NUP205: variants seen among roughly 807,000 people sequenced by gnomAD.
NUP205 encodes the protein nucleoporin 205, also known as nuclear pore complex protein Nup205.
Under a neutral mutation model 253.8 loss-of-function variants are expected in NUP205, and 76 were observed. The ratio of observed to expected loss-of-function variants is 0.30; its 90% confidence interval spans 0.25 to 0.36. The LOEUF is 0.36. NUP205 is among the 10% of genes least tolerant of loss of function. The pLI is 1.00. For synonymous variants in NUP205, 832 were observed against 850.1 expected (o/e 0.98, Z 0.37); for missense variants, 2,162 against 2,425.5 (o/e 0.89, Z 2.28).
At chr7:135,638,451 C>A in intron 37 of NUP205, 106 bp from the exon 38 acceptor site, 6 of 902,798 alleles carry the variant, frequency 6.6e-6, no homozygotes, top group East Asian at 2.6e-5. Context: ...AGATGTGAGT[C>A]ATTTTACAAA....
chr7:135,564,535 A>G (rs1805692674), intron 1 of NUP205, among the ~76,000 whole-genome samples: 1 of 149,882 alleles, frequency 6.7e-6, no homozygotes, highest in African/African-American at 2.5e-5. Flanking sequence ...GGCATGAGTC[A>G]CCACGCCCGG....
At chr7:135,580,832 G>A (rs556942387) in intron 7 of NUP205, among the ~76,000 whole-genome samples, 1 of 151,918 alleles carries the variant, frequency 6.6e-6, no homozygotes, top group Non-Finnish European at 1.5e-5. Context: ...ATGTAATATG[G>A]TCACAATCTT....
At chr7:135,631,216 T>C (rs1794707895) in intron 35 of NUP205, among the ~76,000 whole-genome samples, 1 of 152,200 alleles carries the variant, frequency 6.6e-6, no homozygotes, top group Non-Finnish European at 1.5e-5. Context: ...TTTATTATAC[T>C]TTAAGCTCTA....
Position 135,616,040 on chromosome 7 carries a change from T to C in NUP205, c.3435T>C (p.Asp1145=), listed in dbSNP as rs754887545. 4 of 1,613,648 alleles carry C rather than the reference T, an allele frequency of 2.5e-6. No individual in the cohort carries two copies. In the Admixed American group the frequency reaches 6.7e-5, roughly 27 times the overall value. ...HTQRLLHLLL[D]DMPVKPYSDG... ...AGAGGCTCCTACACCTCTTACTGGA[T>C]GACATGCCAGTGAAACCATACTCAG... is the stretch of plus-strand genomic sequence containing the variant. The change falls in exon 24 of 43, where the codon GAT becomes GAC. Residue 1145 remains aspartate (D), a synonymous_variant. Transcript: ENST00000285968.
chr7:135,585,327 A>G (rs1806427503), intron 8 of NUP205, among the ~76,000 whole-genome samples: 1 of 152,138 alleles, frequency 6.6e-6, no homozygotes, highest in African/African-American at 2.4e-5. Context: ...CTGTTGTTCT[A>G]TGGAAATAAG....
rs1404643236 is a variant in NUP205 at position 135,606,809 on chromosome 7, G to C, written c.2964G>C (p.Leu988Phe). The change falls in exon 21 of 43, where the codon TTG becomes TTC. Residue 988 changes from leucine (L) to phenylalanine (F), a missense_variant. By Grantham distance (22) the Leu-to-Phe change is conservative (BLOSUM62 0). Around this residue, in one of 5 missense-constraint regions of NUP205, gnomAD observed 1,144 missense variants for 1,280.9 expected, o/e 0.89. Coordinates refer to ENST00000285968, the MANE Select transcript of NUP205 (RefSeq NM_015135.3). ...AIRHETRIHI[L>F]NLLITSLECN... ...GTCATGAAACAAGAATCCACATCTT[G>C]AATCTTCTCATTACCTCTCTGGAAT... 6.2e-7 allele frequency: 1 copy of C among 1,613,742 alleles called. No individual in the cohort carries two copies. The highest frequency in any genetic ancestry group is 8.5e-7 in the Non-Finnish European group (1 of 1,179,714).
At chr7:135,638,414 G>GAAAAAA (rs372398905) in intron 37 of NUP205, 143 bp from the exon 38 acceptor site, 457 of 465,338 alleles carry the variant, frequency 9.8e-4, no homozygotes, top group Middle Eastern at 1.9e-3. Context: ...GACTCCATCT[G>GAAAAAA]AAAAAAAAAA....
intron 2 of NUP205, among the ~76,000 whole-genome samples, chr7:135,571,589 T>C (rs759152661): frequency 1.3e-5 from 2 of 151,970 alleles, no homozygotes; most frequent in Non-Finnish European, 2.9e-5. Context: ...TGTGAGCACA[T>C]AAAGGATGTA....
intron 15 of NUP205, chr7:135,598,983 T>C (rs972413815): frequency 2.0e-5 from 3 of 152,154 alleles, no homozygotes; most frequent in African/African-American, 7.2e-5. Context: ...GGTTGTATCT[T>C]GTAGGAATGT....
chr7:135,587,970 A>G lies in NUP205; in HGVS notation c.1451A>G (p.His484Arg). The G allele has an allele frequency of 1.9e-6, 3 of 1,613,546 alleles. No homozygotes were observed. The highest frequency in any genetic ancestry group is 2.5e-6 in the Non-Finnish European group (3 of 1,179,822). ...ATGGGCTCTTATCTAGGGGTGGCTC[A>G]TCAGCGGCCCCCTCAACGCCAGGTG... ...TIMGSYLGVA[H>R]QRPPQRQVVL... The change falls in exon 10 of 43, where the codon CAT becomes CGT. Residue 484 changes from histidine to arginine, a missense_variant. Physicochemically the swap from His to Arg is conservative, Grantham distance 29 (BLOSUM62 0). Coordinates refer to ENST00000285968, the MANE Select transcript of NUP205 (RefSeq NM_015135.3).
intron 19 of NUP205, among the ~76,000 whole-genome samples, chr7:135,605,092 A>G (rs79924239): frequency 0.024 from 3,613 of 151,674 alleles, 444 homozygotes; most frequent in Admixed American, 0.2. Context: ...AACTCGCTCT[A>G]TCACCCAGGC....
In NUP205 at chr7:135,626,409, A is replaced by G. The variant is rs374883901; in HGVS notation, c.4793+48A>G. On this transcript the variant is annotated intron_variant, in intron 33 of 42. Coordinates refer to ENST00000285968, the MANE Select transcript of NUP205 (RefSeq NM_015135.3). ...TTGGTTAAACTCCCAGTAAAGGATT[A>G]TTAAGGGAAGAAAAAATTCCAAACA... is the stretch of plus-strand genomic sequence containing the variant. 9.6e-6 allele frequency: 15 copies of G among 1,564,372 alleles called. 1 individual carries two copies. In the South Asian group the frequency reaches 1.5e-4, roughly 16 times the overall value.
intron 1 of NUP205, among the ~76,000 whole-genome samples, chr7:135,562,500 T>C (rs1805613666): frequency 6.6e-6 from 1 of 151,286 alleles, no homozygotes; most frequent in Non-Finnish European, 1.5e-5. Context: ...TCCCCATGTT[T>C]TAAATCTTCA....
intron 23 of NUP205, 87 bp from the exon 24 acceptor site, chr7:135,615,823 CATGGGA>C: frequency 1.4e-6 from 1 of 701,868 alleles, no homozygotes; most frequent in Non-Finnish European, 2.2e-6. Context: ...GACTTTGTTA[CATGGGA>C]AAATATCTGT....
rs531139638 is a variant in NUP205 at position 135,623,102 on chromosome 7, A to G, written c.4479+177A>G. On this transcript the variant is annotated intron_variant, in intron 31 of 42. Coordinates refer to ENST00000285968, the MANE Select transcript of NUP205 (RefSeq NM_015135.3). ...AGACTAGCCTGGGCAACATGGTGAA[A>G]CCCCGTCTCTACAAAAAATACAAAA... 3.3e-5 allele frequency among the ~76,000 whole-genome samples: 5 copies of G among 151,970 alleles called. No homozygotes were observed. In the East Asian group the frequency reaches 9.7e-4, roughly 29 times the overall value.
intron 1 of NUP205, among the ~76,000 whole-genome samples, chr7:135,567,536 AG>A (rs1563108290): frequency 6.6e-6 from 1 of 150,984 alleles, no homozygotes; most frequent in African/African-American, 2.4e-5. Context: ...TCTTGACCCC[AG>A]GAAGTTGAGG....
At chr7:135,639,561 C>T (rs372265151) in intron 38 of NUP205, among the ~76,000 whole-genome samples, 1 of 151,686 alleles carries the variant, frequency 6.6e-6, no homozygotes, top group Non-Finnish European at 1.5e-5. Context: ...TGCAGTGGCG[C>T]GCGCCTGTAA....
chr7:135,573,004 C>T (rs1211342611), intron 2 of NUP205, among the ~76,000 whole-genome samples: 1 of 149,976 alleles, frequency 6.7e-6, no homozygotes, highest in Non-Finnish European at 1.5e-5. Flanking sequence ...GAACCCCAGC[C>T]TGGGAACCAG....
intron 35 of NUP205, among the ~76,000 whole-genome samples, chr7:135,634,173 C>T (rs1212494705): frequency 6.6e-6 from 1 of 152,164 alleles, no homozygotes; most frequent in Non-Finnish European, 1.5e-5. Context: ...TGGACTCAAG[C>T]AGTCCTCACA....
Sources: gnomAD v4.1 joint callset for allele counts (sites outside exome capture counted in the v4.1 genomes callset) on GRCh38, gnomAD v4.1.1 for gene constraint, gnomAD v4.1.1 regional missense constraint, MANE v1.5 for transcripts, NCBI Gene and HGNC (gene_info 2026-07-23, HGNC 2026-07-21) for gene names.